The following PLCB1 variants were observed in gnomAD, a reference collection of about 807,000 sequenced individuals.
PLCB1 encodes the protein 1-phosphatidylinositol 4,5-bisphosphate phosphodiesterase beta-1.
Under a neutral mutation model 161.8 loss-of-function variants are expected in PLCB1, and 46 were observed. The observed-to-expected ratio is 0.28, with a 90% confidence interval of 0.22 to 0.36. The LOEUF (loss-of-function observed/expected upper bound fraction) is 0.36. PLCB1 is among the 10% of genes least tolerant of loss of function. The probability of loss-of-function intolerance (pLI) is 1.00; values close to 1 mark genes in which losing one functional copy is unlikely to be tolerated. For synonymous variants in PLCB1, 517 were observed against 503.7 expected, an observed-to-expected ratio of 1.03 and a Z score of -0.35; for missense variants, 1,016 against 1,472.5, an observed-to-expected ratio of 0.69 and a Z score of 5.07.
intron 2 of PLCB1, among the ~76,000 whole-genome samples, chr20:8,279,507 A>G (rs540853532): frequency 1.3e-5 from 2 of 152,334 alleles, no homozygotes; most frequent in South Asian, 4.1e-4. Flanking sequence ...TGGGATGATG[A>G]AAAATGTTTT....
At chr20:8,516,857 A>G (rs1005534443) in intron 3 of PLCB1, among the ~76,000 whole-genome samples, 3 of 151,906 alleles carry the variant, frequency 2.0e-5, no homozygotes, top group African/African-American at 7.3e-5. Context: ...AAGATTTCCT[A>G]TGTGCCCTTT....
chr20:8,555,061 T>C (rs1985906905), intron 3 of PLCB1, among the ~76,000 whole-genome samples: 1 of 152,100 alleles, frequency 6.6e-6, no homozygotes, highest in African/African-American at 2.4e-5. Flanking sequence ...GTTAGTCACT[T>C]TTTTCTTGAC....
intron 3 of PLCB1, among the ~76,000 whole-genome samples, chr20:8,517,134 A>C (rs1984164541): frequency 6.6e-6 from 1 of 152,112 alleles, no homozygotes; most frequent in Non-Finnish European, 1.5e-5. Context: ...GGGAGCCCAC[A>C]AGTAATGGCA....
At chr20:8,207,206 T>C (rs548575735) in intron 2 of PLCB1, among the ~76,000 whole-genome samples, 4 of 152,304 alleles carry the variant, frequency 2.6e-5, no homozygotes, top group Non-Finnish European at 5.9e-5. Flanking sequence ...AAAACTCTAA[T>C]TATATTGAAA....
intron 3 of PLCB1, among the ~76,000 whole-genome samples, chr20:8,372,642 C>G (rs761938536): frequency 6.6e-6 from 1 of 152,132 alleles, no homozygotes. Context: ...TTTAGCCTCT[C>G]AGTTTTGTAT....
intron 2 of PLCB1, among the ~76,000 whole-genome samples, chr20:8,217,799 G>T (rs1979209866): frequency 6.6e-6 from 1 of 152,074 alleles, no homozygotes; most frequent in Non-Finnish European, 1.5e-5. Context: ...GCAGGAGTGG[G>T]ATAGTTATTG....
chr20:8,146,084 C>A (rs2051450141), intron 1 of PLCB1, among the ~76,000 whole-genome samples: 1 of 141,318 alleles, frequency 7.1e-6, no homozygotes, highest in Non-Finnish European at 1.5e-5. Flanking sequence ...AAGAAATCTT[C>A]TTACTGTTTT....
intron 2 of PLCB1, among the ~76,000 whole-genome samples, chr20:8,250,666 C>T (rs1981093161): frequency 6.6e-6 from 1 of 151,916 alleles, no homozygotes; most frequent in African/African-American, 2.4e-5. Context: ...TGCATTTAAT[C>T]TTCCTTTCTG....
chr20:8,349,190 T>A (rs950116132), intron 2 of PLCB1, among the ~76,000 whole-genome samples: 3 of 152,002 alleles, frequency 2.0e-5, no homozygotes, highest in African/African-American at 7.2e-5. Context: ...AGGAAACAAC[T>A]GAAAGAGATG....
At chr20:8,731,243 G>A (rs142954117) in intron 18 of PLCB1, among the ~76,000 whole-genome samples, 80 of 151,948 alleles carry the variant, frequency 5.3e-4, no homozygotes, top group African/African-American at 1.1e-3. Context: ...TTTGCAGTAC[G>A]TATGATAATT....
chr20:8,416,050 G>C (rs1426074085), intron 3 of PLCB1, among the ~76,000 whole-genome samples: 1 of 152,074 alleles, frequency 6.6e-6, no homozygotes, highest in Non-Finnish European at 1.5e-5. Flanking sequence ...CTTTCACTCT[G>C]TCTCTCCCCT....
chr20:8,474,776 G>A (rs1248719290), intron 3 of PLCB1, among the ~76,000 whole-genome samples: 1 of 152,140 alleles, frequency 6.6e-6, no homozygotes, highest in Non-Finnish European at 1.5e-5. Context: ...TGGGTTCAGA[G>A]AATGGGGAAG....
At chr20:8,586,576 C>G (rs181400814) in intron 3 of PLCB1, among the ~76,000 whole-genome samples, 3 of 152,062 alleles carry the variant, frequency 2.0e-5, no homozygotes, top group African/African-American at 7.2e-5. Context: ...TTACATTGGC[C>G]GGCCTGATAA....
chr20:8,358,229 T>C (rs977299094), intron 2 of PLCB1, among the ~76,000 whole-genome samples: 10 of 149,382 alleles, frequency 6.7e-5, no homozygotes, highest in Admixed American at 2.0e-4. Context: ...CGTGGTGGCA[T>C]GGCCCATGGT....
intron 3 of PLCB1, among the ~76,000 whole-genome samples, chr20:8,499,649 T>C (rs1983322447): frequency 1.3e-5 from 2 of 152,202 alleles, no homozygotes; most frequent in African/African-American, 2.4e-5. Flanking sequence ...ATCCATGCCA[T>C]TCAGGTAGCT....
chr20:8,186,474 C>G (rs2051907610), intron 2 of PLCB1, among the ~76,000 whole-genome samples: 1 of 152,042 alleles, frequency 6.6e-6, no homozygotes, highest in Non-Finnish European at 1.5e-5. Flanking sequence ...TGTTTCATGT[C>G]TTTATTCTAT....
chr20:8,372,388 C>A lies in PLCB1; in HGVS notation c.246+938C>A, dbSNP rs533010660. 1.6e-4 allele frequency among the ~76,000 whole-genome samples: 25 copies of A among 152,204 alleles called. No individual in the cohort carries two copies. In the South Asian group the frequency reaches 4.8e-3, roughly 29 times the overall value. On this transcript the variant is annotated intron_variant, in intron 3 of 31. Transcript: ENST00000338037. Reference sequence around the variant, plus strand: ...ACCTGGAATAATTATTCTTCAGAGGCGTAAAAAGGCAGTAGGTGCCAGCAT... The same window carrying A: ...ACCTGGAATAATTATTCTTCAGAGGAGTAAAAAGGCAGTAGGTGCCAGCAT...
At chr20:8,462,536 T>G (rs776481170) in intron 3 of PLCB1, among the ~76,000 whole-genome samples, 29 of 152,210 alleles carry the variant, frequency 1.9e-4, no homozygotes, top group Non-Finnish European at 2.9e-4. Flanking sequence ...TAGACCTTAT[T>G]CAATAATTTA....
intron 31 of PLCB1, among the ~76,000 whole-genome samples, chr20:8,861,637 G>A (rs1987257680): frequency 6.6e-6 from 1 of 151,622 alleles, no homozygotes; most frequent in African/African-American, 2.4e-5. Flanking sequence ...GGCTGAGGCA[G>A]GAGAATCGCT....
Sources: allele counts gnomAD v4.1 joint callset (sites outside exome capture counted in the v4.1 genomes callset), GRCh38; gene constraint gnomAD v4.1.1; transcripts MANE v1.5; gene names NCBI Gene and HGNC (gene_info 2026-07-23, HGNC 2026-07-21).